SLCO3A1: variants seen among roughly 807,000 people sequenced by gnomAD.
SLCO3A1 encodes the protein solute carrier organic anion transporter family member 3A1.
A neutral mutation model predicts 63.1 loss-of-function variants in SLCO3A1; 27 were observed. That is an observed-to-expected ratio of 0.43 (90% CI 0.32 to 0.59). The LOEUF (loss-of-function observed/expected upper bound fraction) is 0.59. Among genes scored for constraint, SLCO3A1 ranks in the 20% least tolerant of loss-of-function variants. The pLI is 0.09. For missense variants in SLCO3A1, 773 were observed against 945.8 expected (o/e 0.82, Z 2.40); for synonymous variants, 473 against 409.9 (o/e 1.15, Z -1.86).
chr15:91,878,300 TCTCAGGTGAC>T lies in SLCO3A1; in HGVS notation c.180+24224_180+24233del, dbSNP rs370685188. Among the ~76,000 whole-genome samples, 908 of 152,134 alleles carry T rather than the reference TCTCAGGTGAC, an allele frequency of 6.0e-3. 13 individuals carry two copies. The highest frequency in any genetic ancestry group is 0.019 in the African/African-American group (772 of 41,492). The stretch of plus-strand genomic sequence containing the variant: ...AAGTTCACCCTGTTGGCCAGGCTGG[TCTCAGGTGAC>T]CTCAGGTGACCCGCCCACCTCGGCT... On this transcript the variant is annotated intron_variant, in intron 1 of 9. Transcript: ENST00000318445.
intron 2 of SLCO3A1, among the ~76,000 whole-genome samples, chr15:92,007,403 G>A (rs577220680): frequency 4.2e-4 from 64 of 152,314 alleles, no homozygotes; most frequent in East Asian, 1.7e-3. Context: ...CCTCTCTTAC[G>A]TTGAATCGGG....
chr15:92,010,237 T>A (rs1362871123), intron 2 of SLCO3A1, among the ~76,000 whole-genome samples: 2 of 152,336 alleles, frequency 1.3e-5, no homozygotes, highest in East Asian at 1.9e-4. Flanking sequence ...ATTCAGTGTT[T>A]CTCTAAAGTG....
chr15:91,975,930 G>A (rs375827323), intron 2 of SLCO3A1, among the ~76,000 whole-genome samples: 1 of 152,250 alleles, frequency 6.6e-6, no homozygotes, highest in African/African-American at 2.4e-5. Flanking sequence ...GAGCCCTGCA[G>A]TCCTCTTTGT....
chr15:91,893,802 T>A (rs934131473), intron 1 of SLCO3A1, among the ~76,000 whole-genome samples: 1 of 152,212 alleles, frequency 6.6e-6, no homozygotes, highest in Non-Finnish European at 1.5e-5. Context: ...TCGACAAATG[T>A]TTGTTAAGTT....
chr15:92,082,682 C>T lies in SLCO3A1; in HGVS notation c.647-12199C>T, dbSNP rs191292815. On this transcript the variant is annotated intron_variant, in intron 2 of 9. Coordinates refer to ENST00000318445, the MANE Select transcript of SLCO3A1 (RefSeq NM_013272.4). ...ATTTGCATGCATTACATATAATTCTCACTGTTCTACAAGACTGATAACCCT... is the reference window on the plus strand; with the variant it reads ...ATTTGCATGCATTACATATAATTCTTACTGTTCTACAAGACTGATAACCCT... 2.0e-5 allele frequency among the ~76,000 whole-genome samples: 3 copies of T among 152,278 alleles called. 1 individual carries two copies. The East Asian group carries it at 5.8e-4, about 30-fold the overall frequency.
At chr15:91,901,956 A>G (rs1361833825) in intron 1 of SLCO3A1, among the ~76,000 whole-genome samples, 1 of 148,900 alleles carries the variant, frequency 6.7e-6, no homozygotes, top group African/African-American at 2.5e-5. Flanking sequence ...TATTGCATGT[A>G]TATTGGTATG....
At chr15:92,073,373 T>C (rs1162813740) in intron 2 of SLCO3A1, among the ~76,000 whole-genome samples, 3 of 152,228 alleles carry the variant, frequency 2.0e-5, no homozygotes, top group African/African-American at 7.2e-5. Flanking sequence ...GAAACACTTC[T>C]GACTTCACAG....
At chr15:92,049,342 G>A (rs952674487) in intron 2 of SLCO3A1, among the ~76,000 whole-genome samples, 1 of 152,120 alleles carries the variant, frequency 6.6e-6, no homozygotes, top group Non-Finnish European at 1.5e-5. Flanking sequence ...GGCTCAGCTC[G>A]GGTGAGTGAT....
intron 7 of SLCO3A1, among the ~76,000 whole-genome samples, chr15:92,132,720 T>TC (rs1423248254): frequency 1.4e-5 from 2 of 144,614 alleles, no homozygotes; most frequent in South Asian, 4.4e-4. Flanking sequence ...GACTAATTCA[T>TC]CCCCCCCATT....
intron 1 of SLCO3A1, among the ~76,000 whole-genome samples, chr15:91,864,915 C>G (rs765549316): frequency 6.6e-6 from 1 of 152,184 alleles, no homozygotes; most frequent in East Asian, 1.9e-4. Context: ...ATCAGTGTCA[C>G]GCCTCACCGT....
exon 11 of SLCO3A1, chr15:92,172,120 G>C (rs560418078): frequency 5.2e-6 from 2 of 387,824 alleles, no homozygotes; most frequent in African/African-American, 2.0e-5. Flanking sequence ...TGCTGACCTG[G>C]TGTGCAAATT....
At chr15:92,019,845 G>A (rs12905905) in intron 2 of SLCO3A1, among the ~76,000 whole-genome samples, 33,959 of 152,036 alleles carry the variant, frequency 0.22, 4,168 homozygotes, top group Admixed American at 0.33. Context: ...ATTGTCTGTC[G>A]GGTGCCCCAC....
chr15:92,130,109 T>G (rs556332265), intron 7 of SLCO3A1, among the ~76,000 whole-genome samples: 1 of 152,380 alleles, frequency 6.6e-6, no homozygotes, highest in Non-Finnish European at 1.5e-5. Context: ...CAGTATAGTC[T>G]AGTGTCCTGA....
chr15:92,162,584 A>T, intron 9 of SLCO3A1, 172 bp from the exon 10 acceptor site: 2 of 1,083,440 alleles, frequency 1.8e-6, no homozygotes, highest in Non-Finnish European at 2.6e-6. Context: ...TACCATAATA[A>T]AAAGGCAGAA....
chr15:92,056,021 C>T lies in SLCO3A1; in HGVS notation c.647-38860C>T, dbSNP rs569113610. Among the ~76,000 whole-genome samples, 6 of 152,080 alleles carry T rather than the reference C, an allele frequency of 3.9e-5. No homozygotes were observed. In the South Asian group the frequency reaches 1.3e-3, roughly 32 times the overall value. ...TCTGTGTCAGTCTTTAAAAACTAAG[C>T]AGTTACCTAGTGCCAGTCTAGGTGG... On this transcript the variant is annotated intron_variant, in intron 2 of 9. Coordinates refer to ENST00000318445, the MANE Select transcript of SLCO3A1 (RefSeq NM_013272.4).
At chr15:92,169,276 A>G (rs115073781), downstream of SLCO3A1, among the ~76,000 whole-genome samples, 577 of 152,322 alleles carry the variant, frequency 3.8e-3, 1 homozygote, top group African/African-American at 0.013. Context: ...CAGGTCTGTG[A>G]AAAAGCTTTT....
chr15:91,906,886 A>G (rs959471111), intron 1 of SLCO3A1, among the ~76,000 whole-genome samples: 4 of 151,920 alleles, frequency 2.6e-5, no homozygotes, highest in African/African-American at 4.8e-5. Context: ...ACAGAGAAAA[A>G]TCAATGATGA....
At chr15:92,065,140 T>C (rs1007505437) in intron 2 of SLCO3A1, among the ~76,000 whole-genome samples, 1 of 152,226 alleles carries the variant, frequency 6.6e-6, no homozygotes, top group African/African-American at 2.4e-5. Context: ...TGGAGTTCAG[T>C]GGCACGATCT....
intron 2 of SLCO3A1, among the ~76,000 whole-genome samples, chr15:91,957,241 A>G (rs72754088): frequency 0.072 from 9,698 of 135,252 alleles, 390 homozygotes; most frequent in Non-Finnish European, 0.086. Context: ...TCCGCTGGCT[A>G]GGATGACAGG....
Sources: gnomAD v4.1 joint callset for allele counts (sites outside exome capture counted in the v4.1 genomes callset) on GRCh38, gnomAD v4.1.1 for gene constraint, MANE v1.5 for transcripts, NCBI Gene and HGNC (gene_info 2026-07-23, HGNC 2026-07-21) for gene names.